The following CDK14 variants were observed in gnomAD, a reference collection of about 807,000 sequenced individuals.
CDK14 encodes cyclin dependent kinase 14, also known as cyclin-dependent kinase 14.
In CDK14, 34 loss-of-function variants were observed where a neutral mutation model predicts 60.7. The observed-to-expected ratio is 0.56, with a 90% CI of 0.43 to 0.75. CDK14 has a LOEUF of 0.75. CDK14 is among the 30% of genes least tolerant of loss of function. The pLI, the probability that CDK14 is intolerant of heterozygous loss-of-function variation, is 0.00. For missense variants in CDK14, 482 were observed against 564.1 expected (o/e 0.85, Z 1.47); for synonymous variants, 197 against 203.7 (o/e 0.97, Z 0.28).
chr7:90,706,607 A>G (rs1049632671), intron 2 of CDK14, among the ~76,000 whole-genome samples: 1 of 152,188 alleles, frequency 6.6e-6, no homozygotes, highest in Non-Finnish European at 1.5e-5. Context: ...AGCAGAGGAA[A>G]GCCAGAGAAG....
intron 6 of CDK14, among the ~76,000 whole-genome samples, chr7:90,895,357 T>TCCCCTCCCCTCCCCTCCCCTCC (rs1562817531): frequency 2.9e-5 from 1 of 34,834 alleles, no homozygotes; most frequent in Non-Finnish European, 5.8e-5. Flanking sequence ...TCTCCTCTCC[T>TCCCCTCCCCTCCCCTCCCCTCC]CACCTCTCCT....
intron 14 of CDK14, among the ~76,000 whole-genome samples, chr7:91,163,524 T>A (rs187385667): frequency 9.2e-5 from 14 of 152,280 alleles, no homozygotes; most frequent in Admixed American, 6.5e-4. Flanking sequence ...GGGTATAAGG[T>A]GATGATTTGA....
intron 3 of CDK14, among the ~76,000 whole-genome samples, chr7:90,744,119 A>T (rs1435547755): frequency 6.6e-6 from 1 of 152,134 alleles, no homozygotes. Flanking sequence ...TAAACAAGTG[A>T]ACAAAGGTCT....
intron 1 of CDK14, among the ~76,000 whole-genome samples, chr7:90,599,091 T>C (rs17867056): frequency 3.9e-4 from 59 of 152,346 alleles, no homozygotes; most frequent in African/African-American, 1.4e-3. Flanking sequence ...ATGTGGGCTG[T>C]GTGTCACACA....
At chr7:91,072,402 C>T (rs1798175451) in intron 11 of CDK14, among the ~76,000 whole-genome samples, 1 of 152,044 alleles carries the variant, frequency 6.6e-6, no homozygotes, top group Non-Finnish European at 1.5e-5. Flanking sequence ...AGTAAATGCC[C>T]AGCAAACCAC....
intron 8 of CDK14, among the ~76,000 whole-genome samples, chr7:90,921,744 T>G (rs1793259813): frequency 6.6e-6 from 1 of 152,146 alleles, no homozygotes; most frequent in South Asian, 2.1e-4. Context: ...ACTGTCGTGG[T>G]GGAGAAACAA....
At chr7:90,619,684 A>G (rs1799728142) in intron 2 of CDK14, among the ~76,000 whole-genome samples, 1 of 152,170 alleles carries the variant, frequency 6.6e-6, no homozygotes, top group Non-Finnish European at 1.5e-5. Context: ...GTTTTGGGGA[A>G]TGTAAAAATT....
intron 11 of CDK14, among the ~76,000 whole-genome samples, chr7:91,076,415 A>C (rs983897994): frequency 2.0e-5 from 3 of 152,160 alleles, no homozygotes; most frequent in African/African-American, 7.2e-5. Flanking sequence ...TTCCCTGTTT[A>C]ATAAGTGATG....
chr7:90,669,809 A>G (rs995713765), intron 2 of CDK14, among the ~76,000 whole-genome samples: 4 of 152,238 alleles, frequency 2.6e-5, no homozygotes, highest in Non-Finnish European at 5.9e-5. Flanking sequence ...TGTGGACTTG[A>G]CAACCTAAAA....
chr7:91,203,926 C>T (rs777408009), intron 14 of CDK14, among the ~76,000 whole-genome samples: 3 of 152,144 alleles, frequency 2.0e-5, no homozygotes, highest in African/African-American at 7.2e-5. Flanking sequence ...ATGTAGAGCA[C>T]GTTCTTCGTT....
intron 8 of CDK14, among the ~76,000 whole-genome samples, chr7:90,922,927 T>G (rs1290734042): frequency 2.6e-5 from 4 of 152,244 alleles, no homozygotes; most frequent in Admixed American, 6.5e-5. Flanking sequence ...GCTTCCCATA[T>G]GCACAGCCTC....
intron 1 of CDK14, among the ~76,000 whole-genome samples, chr7:90,602,339 T>A (rs983279293): frequency 6.6e-6 from 1 of 152,230 alleles, no homozygotes; most frequent in Non-Finnish European, 1.5e-5. Flanking sequence ...TTTGCTTATG[T>A]TAGACTTTGT....
intron 5 of CDK14, among the ~76,000 whole-genome samples, chr7:90,798,188 AT>A (rs10617120): frequency 0.11 from 16,397 of 146,942 alleles, 925 homozygotes; most frequent in South Asian, 0.13. Flanking sequence ...CTTCTGAGTG[AT>A]TTTTTTTTTT....
At chr7:90,823,006 T>G (rs1235153628) in intron 5 of CDK14, among the ~76,000 whole-genome samples, 2 of 152,140 alleles carry the variant, frequency 1.3e-5, no homozygotes, top group African/African-American at 2.4e-5. Flanking sequence ...CTGATCACTT[T>G]ATAAACTCTT....
At chr7:91,115,255 C>T (rs917640773) in intron 13 of CDK14, among the ~76,000 whole-genome samples, 1 of 152,142 alleles carries the variant, frequency 6.6e-6, no homozygotes, top group Non-Finnish European at 1.5e-5. Context: ...AAACAGCAGA[C>T]ATTTATTTCT....
At chr7:90,612,751 G>A (rs1799568552) in intron 2 of CDK14, among the ~76,000 whole-genome samples, 2 of 137,150 alleles carry the variant, frequency 1.5e-5, no homozygotes, top group Non-Finnish European at 1.5e-5. Flanking sequence ...CAGCCCGGGT[G>A]ACAGAGAGAG....
intron 3 of CDK14, among the ~76,000 whole-genome samples, chr7:90,735,770 G>A (rs544988135): frequency 6.6e-6 from 1 of 152,338 alleles, no homozygotes; most frequent in East Asian, 1.9e-4. Context: ...CACCGTGGAG[G>A]TGGGACCTGC....
Position 91,189,521 on chromosome 7 carries a change from G to A in CDK14, c.*29-17644G>A, listed in dbSNP as rs115345548. ...ATTACCACTTAAAATTTCAAAGAAT[G>A]TTATTACTTGAATTTTACTCAGATT... On this transcript the variant is annotated intron_variant, in intron 14 of 14. Coordinates refer to ENST00000380050, the MANE Select transcript of CDK14 (RefSeq NM_001287135.2). 3.7e-3 allele frequency among the ~76,000 whole-genome samples: 569 copies of A among 152,166 alleles called. 4 individuals carry two copies. Among genetic ancestry groups the A allele is most frequent in the African/African-American group, 0.013 (541 of 41,510 alleles).
chr7:90,811,375 C>G (rs900668689), intron 5 of CDK14, among the ~76,000 whole-genome samples: 2 of 151,920 alleles, frequency 1.3e-5, no homozygotes, highest in African/African-American at 4.8e-5. Context: ...GAAAGGATTC[C>G]CTATTTAATA....
Sources: gnomAD v4.1 joint callset for allele counts (sites outside exome capture counted in the v4.1 genomes callset) on GRCh38, gnomAD v4.1.1 for gene constraint, MANE v1.5 for transcripts, NCBI Gene and HGNC (gene_info 2026-07-23, HGNC 2026-07-21) for gene names.